Variants in PLCB4 observed in about 807,000 individuals in gnomAD.
PLCB4 encodes 1-phosphatidylinositol 4,5-bisphosphate phosphodiesterase beta-4.
PLCB4 carries 77 observed loss-of-function variants against 178.8 expected under a neutral mutation model. That is an observed-to-expected ratio of 0.43 (90% CI 0.36 to 0.52). The LOEUF is 0.52. Among genes scored for constraint, PLCB4 ranks in the 20% least tolerant of loss-of-function variants. The pLI is 0.00. For missense variants in PLCB4, 1,024 were observed against 1,453.4 expected (o/e 0.70, Z 4.80); for synonymous variants, 496 against 490.8 (o/e 1.01, Z -0.14).
At chr20:9,389,407 A>G (rs2037951010) in intron 15 of PLCB4, among the ~76,000 whole-genome samples, 3 of 152,138 alleles carry the variant, frequency 2.0e-5, no homozygotes. Flanking sequence ...ATAGCCCAAG[A>G]CTGATTTCCA....
chr20:9,122,834 T>C (rs748032501), intron 2 of PLCB4, among the ~76,000 whole-genome samples: 4 of 152,134 alleles, frequency 2.6e-5, no homozygotes, highest in Admixed American at 1.3e-4. Flanking sequence ...AAAGGGACCA[T>C]TGGGCTTGCA....
intron 14 of PLCB4, among the ~76,000 whole-genome samples, chr20:9,385,556 G>A (rs1386415776): frequency 1.3e-5 from 2 of 150,386 alleles, no homozygotes; most frequent in East Asian, 4.0e-4. Flanking sequence ...TGGCGGCCGG[G>A]CAAAGGCTCT....
rs186250075 is a variant in PLCB4, at chr20:9,098,727, A to G, written c.-79+2385A>G. On this transcript the variant is annotated intron_variant, in intron 2 of 39. Coordinates refer to ENST00000378473, the MANE Select transcript of PLCB4 (RefSeq NM_001377142.1). Reference sequence around the variant, plus strand: ...TATATACATATATACGTGTGTGTGTATATATATACATATATGTGTGTGTGT... The same window carrying G: ...TATATACATATATACGTGTGTGTGTGTATATATACATATATGTGTGTGTGT... Among the ~76,000 whole-genome samples, 850 of 104,588 alleles carry G rather than the reference A, an allele frequency of 8.1e-3. 7 individuals are homozygous for G. Among genetic ancestry groups the G allele is most frequent in the African/African-American group, 0.032 (813 of 25,064 alleles). 68.6% of individuals were successfully genotyped at this position (104,588 alleles called of 152,430 possible).
At chr20:9,294,034 C>T (rs1428993713) in intron 3 of PLCB4, among the ~76,000 whole-genome samples, 2 of 152,112 alleles carry the variant, frequency 1.3e-5, no homozygotes, top group Admixed American at 1.3e-4. Flanking sequence ...GCTGAGGGCA[C>T]GTTTCTTCTA....
At chr20:9,322,242 A>T (rs1363169535) in intron 4 of PLCB4, among the ~76,000 whole-genome samples, 1 of 151,230 alleles carries the variant, frequency 6.6e-6, no homozygotes, top group Non-Finnish European at 1.5e-5. Flanking sequence ...TATAGGCATG[A>T]GCCACTGTGC....
At chr20:9,213,128 C>CTTTTCTTT in intron 2 of PLCB4, among the ~76,000 whole-genome samples, 1 of 35,726 alleles carries the variant, frequency 2.8e-5, no homozygotes, top group African/African-American at 1.2e-4. Flanking sequence ...CGTTAGCATA[C>CTTTTCTTT]TTTTTTTTTT....
At chr20:9,370,776 G>A (rs2036183949) in intron 9 of PLCB4, among the ~76,000 whole-genome samples, 1 of 152,000 alleles carries the variant, frequency 6.6e-6, no homozygotes, top group Non-Finnish European at 1.5e-5. Flanking sequence ...AGGTGTGGTG[G>A]CGTGCACCTG....
chr20:9,135,393 A>C (rs1229762765), intron 2 of PLCB4, among the ~76,000 whole-genome samples: 1 of 152,104 alleles, frequency 6.6e-6, no homozygotes, highest in African/African-American at 2.4e-5. Context: ...TTTTTATGGA[A>C]TATCCTGGGT....
At chr20:9,406,024 G>A (rs1320499884) in intron 21 of PLCB4, among the ~76,000 whole-genome samples, 5 of 152,090 alleles carry the variant, frequency 3.3e-5, no homozygotes, top group African/African-American at 1.2e-4. Context: ...GAATAAATAT[G>A]GTCGCAGGCC....
At chr20:9,312,478 G>A (rs925455316) in intron 4 of PLCB4, among the ~76,000 whole-genome samples, 2 of 151,846 alleles carry the variant, frequency 1.3e-5, no homozygotes, top group African/African-American at 2.4e-5. Context: ...TCAAAGTGCA[G>A]GGTCAATACA....
At chr20:9,382,943 A>C (rs2037269466) in intron 13 of PLCB4, among the ~76,000 whole-genome samples, 3 of 152,192 alleles carry the variant, frequency 2.0e-5, no homozygotes, top group Admixed American at 2.0e-4. Flanking sequence ...TTCATTTATA[A>C]TTAGAAATGA....
chr20:9,136,675 G>C (rs773599169), intron 2 of PLCB4, among the ~76,000 whole-genome samples: 1 of 152,072 alleles, frequency 6.6e-6, no homozygotes, highest in Non-Finnish European at 1.5e-5. Flanking sequence ...TTGCAAATGG[G>C]TGTAAGTGCA....
At chr20:9,139,433 G>A (rs373764334) in intron 2 of PLCB4, among the ~76,000 whole-genome samples, 19 of 152,150 alleles carry the variant, frequency 1.2e-4, no homozygotes, top group African/African-American at 4.6e-4. Context: ...TTTATTGGAT[G>A]GGAGTTCAGC....
chr20:9,370,846 T>A, intron 9 of PLCB4: 1 of 158,074 alleles, frequency 6.3e-6, no homozygotes. Flanking sequence ...GATGCAGAGG[T>A]TGCAGTGAGC....
chr20:9,344,244 T>C (rs2033561093), intron 7 of PLCB4, among the ~76,000 whole-genome samples: 1 of 152,164 alleles, frequency 6.6e-6, no homozygotes, highest in African/African-American at 2.4e-5. Flanking sequence ...TCTTTCCCAG[T>C]TACACACAGA....
chr20:9,357,926 T>C (rs1295528217), intron 7 of PLCB4, among the ~76,000 whole-genome samples: 1 of 152,222 alleles, frequency 6.6e-6, no homozygotes, highest in African/African-American at 2.4e-5. Context: ...CTTTTAGACC[T>C]ATGATTCTCA....
At chr20:9,308,137 A>G (rs867794091) in intron 4 of PLCB4, among the ~76,000 whole-genome samples, 1 of 152,242 alleles carries the variant, frequency 6.6e-6, no homozygotes, top group Middle Eastern at 3.4e-3. Flanking sequence ...TTATTTGTTT[A>G]ATTTTTTACA....
Position 9,069,210 on chromosome 20 carries a change from G to C in PLCB4, c.-135+4G>C. ...GCAGCTCCAGGCAAAGTGACAGGTA[G>C]GAAAAGGCATTTCGGGTCCCGCCCG... On this transcript the variant is annotated splice_donor_region_variant and intron_variant, in intron 1 of 39. Coordinates refer to ENST00000378473, the MANE Select transcript of PLCB4 (RefSeq NM_001377142.1). The C allele has an allele frequency of 6.5e-6, 1 of 152,854 alleles. No individual in the cohort carries two copies. Among genetic ancestry groups the C allele is most frequent in the East Asian group, 1.9e-4 (1 of 5,166 alleles). 9.5% of individuals were successfully genotyped at this position (152,854 alleles called of 1,614,324 possible).
At chr20:9,432,668 C>A (rs1350738834) in intron 28 of PLCB4, among the ~76,000 whole-genome samples, 1 of 152,174 alleles carries the variant, frequency 6.6e-6, no homozygotes, top group African/African-American at 2.4e-5. Context: ...TGCTAAAAGT[C>A]TAGGTTGGTC....
Sources: gnomAD v4.1 joint callset for allele counts (sites outside exome capture counted in the v4.1 genomes callset) on GRCh38, gnomAD v4.1.1 for gene constraint, MANE v1.5 for transcripts, NCBI Gene and HGNC (gene_info 2026-07-23, HGNC 2026-07-21) for gene names.